BLOC1S3: variants seen among roughly 807,000 people sequenced by gnomAD.
The protein encoded by BLOC1S3 is biogenesis of lysosomal organelles complex 1 subunit 3.
A neutral mutation model predicts 9.1 loss-of-function variants in BLOC1S3; 7 were observed. The ratio of observed to expected loss-of-function variants is 0.77; its 90% CI spans 0.44 to 1.45. The LOEUF (loss-of-function observed/expected upper bound fraction) is 1.45, where lower values mean the gene tolerates loss of function less well. Ranked by LOEUF, BLOC1S3 falls within the 40% of genes most tolerant of loss-of-function variation. The pLI is 0.01. For missense variants in BLOC1S3, 307 were observed against 315.2 expected, an observed-to-expected ratio of 0.97 and a Z score of 0.20; for synonymous variants, 145 against 158.4, an observed-to-expected ratio of 0.92 and a Z score of 0.64.
intron 2 of BLOC1S3, among the ~76,000 whole-genome samples, chr19:45,199,932 AT>A (rs2122924129): frequency 6.6e-6 from 1 of 151,712 alleles, no homozygotes; most frequent in South Asian, 2.1e-4. Flanking sequence ...TGCCCAGCTA[AT>A]TTTTCTATTT....
chr19:45,181,245 C>G lies in BLOC1S3; in HGVS notation c.*1340C>G, dbSNP rs922534514. Reference sequence around the variant, plus strand: ...CCTCCCTGATCCTGGGGTCTGGGGACTCCCCATGGTTTCCTTCCTTCTGCA... The same window carrying G: ...CCTCCCTGATCCTGGGGTCTGGGGAGTCCCCATGGTTTCCTTCCTTCTGCA... On this transcript the variant is annotated 3_prime_UTR_variant, in exon 2 of 2. Coordinates refer to ENST00000433642, the MANE Select transcript of BLOC1S3 (RefSeq NM_212550.5). 1 of 167,214 alleles carries G rather than the reference C, an allele frequency of 6.0e-6. No homozygotes were observed. Among genetic ancestry groups the G allele is most frequent in the Non-Finnish European group, 1.5e-5 (1 of 68,226 alleles). The allele number at this position is 167,214 out of a possible 1,614,324, so 10.4% of individuals were successfully genotyped here.
intron 3 of BLOC1S3, among the ~76,000 whole-genome samples, chr19:45,204,357 A>AT (rs1460464445): frequency 3.3e-5 from 5 of 150,754 alleles, no homozygotes; most frequent in Non-Finnish European, 7.4e-5. Context: ...GCCCCAGCTA[A>AT]TTTTTTTGTA....
chr19:45,185,171 T>C (rs1599749345), downstream of BLOC1S3, among the ~76,000 whole-genome samples: 1 of 152,096 alleles, frequency 6.6e-6, no homozygotes, highest in Non-Finnish European at 1.5e-5. Context: ...TTGTGGCTAG[T>C]TGCAAGTCAC....
In BLOC1S3 at chr19:45,190,460, C is replaced by T. The variant is rs558602165; in HGVS notation, n.180+2720C>T. On this transcript the variant is annotated intron_variant and non_coding_transcript_variant, in intron 2 of 3. Coordinates refer to the BLOC1S3 transcript ENST00000591569. ...TATCACCCAGGCTGGAGTGCAGTGC[C>T]ACAGTCTTGGCTTACTGCAACCTCC... 5.3e-5 allele frequency among the ~76,000 whole-genome samples: 8 copies of T among 151,906 alleles called. No homozygotes were observed. In the East Asian group the frequency reaches 1.6e-3, roughly 29 times the overall value.
intron 3 of BLOC1S3, among the ~76,000 whole-genome samples, chr19:45,210,706 C>T (rs954911319): frequency 6.6e-6 from 1 of 152,088 alleles, no homozygotes; most frequent in South Asian, 2.1e-4. Context: ...TGGCTTCAGG[C>T]GATCCTCCCA....
At position 45,198,235 on chromosome 19, in the gene BLOC1S3, A is replaced by G. The variant is rs138151614; in HGVS notation, n.181-4171A>G. Among the ~76,000 whole-genome samples, 30 of 152,190 alleles carry G rather than the reference A, an allele frequency of 2.0e-4. 1 individual carries two copies. In the East Asian group the frequency reaches 2.5e-3, roughly 13 times the overall value. On this transcript the variant is annotated intron_variant and non_coding_transcript_variant, in intron 2 of 3. Transcript: ENST00000591569. ...ACTTCTTTCTTCCAGTTTTCATGCA[A>G]TTTTCTCCTTTGGCCAACTCTAACT...
At chr19:45,207,033 C>T (rs906593816) in intron 3 of BLOC1S3, among the ~76,000 whole-genome samples, 2 of 151,770 alleles carry the variant, frequency 1.3e-5, no homozygotes, top group East Asian at 1.9e-4. Context: ...GATAGGGTTT[C>T]ACCATGTTGG....
At chr19:45,213,230 G>C in intron 3 of BLOC1S3, 2 of 1,612,292 alleles carry the variant, frequency 1.2e-6, no homozygotes, top group Non-Finnish European at 1.7e-6. Flanking sequence ...AAGAAGGCAC[G>C]GTCCCGAGGG....
intron 2 of BLOC1S3, among the ~76,000 whole-genome samples, chr19:45,193,797 T>TTTG (rs1002662287): frequency 8.7e-5 from 8 of 91,484 alleles, no homozygotes; most frequent in Non-Finnish European, 1.6e-4. Flanking sequence ...CTGTTTTTTT[T>TTTG]TTGTTGTTGT....
At chr19:45,183,560 G>A (rs1038034065), downstream of BLOC1S3, among the ~76,000 whole-genome samples, 3 of 150,570 alleles carry the variant, frequency 2.0e-5, no homozygotes, top group South Asian at 2.1e-4. Flanking sequence ...CACCTAGGGC[G>A]AGTGGATCAC....
intron 3 of BLOC1S3, among the ~76,000 whole-genome samples, chr19:45,211,363 G>C (rs1414890082): frequency 6.6e-6 from 1 of 151,754 alleles, no homozygotes; most frequent in African/African-American, 2.4e-5. Context: ...TGGGTATGGT[G>C]GTGGTGGAGG....
chr19:45,179,893 G>T lies in BLOC1S3; in HGVS notation c.597G>T (p.Gly199=). The T allele has an allele frequency of 6.2e-7, 1 of 1,608,582 alleles. No individual in the cohort carries two copies. The highest frequency in any genetic ancestry group is 8.5e-7 in the Non-Finnish European group (1 of 1,177,942). ...GGACCGAGCCTGAGAAAGACCCGGG[G>T]CCGCGGGCCTAGCCATGATTCTACT... The part of the protein sequence containing the change: ...VPGTEPEKDP[G]PRA Residue 199 remains glycine, a synonymous_variant, in exon 2 of 2, where the codon GGG becomes GGT. Transcript: ENST00000433642. The surrounding 1 kb of genome is among the most constrained non-coding windows in gnomAD (Gnocchi z 4.6).
intron 3 of BLOC1S3, among the ~76,000 whole-genome samples, chr19:45,209,401 T>C (rs1213916825): frequency 6.6e-6 from 1 of 151,786 alleles, no homozygotes; most frequent in Non-Finnish European, 1.5e-5. Context: ...AAGAGAGTAG[T>C]TCTATTTCTT....
chr19:45,191,043 G>T (rs1012965813), intron 2 of BLOC1S3, among the ~76,000 whole-genome samples: 28 of 151,398 alleles, frequency 1.8e-4, no homozygotes, highest in Non-Finnish European at 3.8e-4. Context: ...CTGACCTCAC[G>T]ATCCGCCCGC....
At chr19:45,211,720 A>C (rs6509201) in intron 3 of BLOC1S3, among the ~76,000 whole-genome samples, 37,041 of 150,860 alleles carry the variant, frequency 0.25, 5,902 homozygotes, top group Middle Eastern at 0.48. Flanking sequence ...TACCTCCCCA[A>C]GTTCAAATGT....
chr19:45,214,151 T>C (rs561296200), intron 3 of BLOC1S3, among the ~76,000 whole-genome samples: 296 of 152,198 alleles, frequency 1.9e-3, no homozygotes, highest in Middle Eastern at 6.8e-3. Context: ...CTGGGACTTC[T>C]TGGGACCCCA....
intron 2 of BLOC1S3, among the ~76,000 whole-genome samples, chr19:45,189,228 C>T (rs578252430): frequency 6.6e-6 from 1 of 152,234 alleles, no homozygotes; most frequent in African/African-American, 2.4e-5. Flanking sequence ...CCATGTTGGC[C>T]AGCCTCGTCT....
intron 2 of BLOC1S3, among the ~76,000 whole-genome samples, chr19:45,199,400 C>G (rs1324191870): frequency 6.7e-6 from 1 of 148,854 alleles, no homozygotes; most frequent in Admixed American, 6.8e-5. Flanking sequence ...ACTGCAACCT[C>G]CGCCTCCCGG....
intron 2 of BLOC1S3, among the ~76,000 whole-genome samples, chr19:45,199,723 C>A (rs900442961): frequency 2.6e-5 from 4 of 151,556 alleles, no homozygotes; most frequent in African/African-American, 9.7e-5. Flanking sequence ...CTGTTCTCTT[C>A]TCTTCTTTCT....
Sources: allele counts gnomAD v4.1 joint callset (sites outside exome capture counted in the v4.1 genomes callset), GRCh38; gene constraint gnomAD v4.1.1; non-coding constraint Gnocchi (gnomAD v3.1); transcripts MANE v1.5; gene names NCBI Gene and HGNC (gene_info 2026-07-23, HGNC 2026-07-21).